Variants in NIPAL2 observed in about 807,000 individuals in gnomAD.
NIPAL2 encodes NIPA-like protein 2.
Under a neutral mutation model 48.9 loss-of-function variants are expected in NIPAL2, and 43 were observed. That is an observed-to-expected ratio of 0.88 (90% CI 0.69 to 1.13). NIPAL2 has a LOEUF of 1.13. Ranked by LOEUF, NIPAL2 falls within the 50% of genes most tolerant of loss-of-function variation. NIPAL2 has a pLI of 0.00. For synonymous variants in NIPAL2, 167 were observed against 174.6 expected, an observed-to-expected ratio of 0.96 and a Z score of 0.34; for missense variants, 446 against 461.4, an observed-to-expected ratio of 0.97 and a Z score of 0.31.
chr8:98,244,154 T>C (rs1813140847), intron 3 of NIPAL2, among the ~76,000 whole-genome samples: 2 of 150,146 alleles, frequency 1.3e-5, no homozygotes, highest in African/African-American at 4.9e-5. Context: ...GGTTGACAGG[T>C]TACAAACTCA....
At chr8:98,242,572 G>A (rs1308577329) in intron 3 of NIPAL2, among the ~76,000 whole-genome samples, 4 of 144,152 alleles carry the variant, frequency 2.8e-5, no homozygotes, top group Admixed American at 1.5e-4. Flanking sequence ...TGCAACTTCC[G>A]CTTCCCAAGT....
chr8:98,274,178 A>G (rs1209679091), intron 1 of NIPAL2, among the ~76,000 whole-genome samples: 1 of 152,016 alleles, frequency 6.6e-6, no homozygotes, highest in African/African-American at 2.4e-5. Context: ...ATCAAGTTTT[A>G]TAAGTTTCCA....
In NIPAL2 at chr8:98,205,240, AAT is replaced by A; in HGVS notation, c.660_661del (p.Leu221AspfsTer19). The stretch of plus-strand genomic sequence containing the variant: ...GACGGCCTTTACTGAAATAACAGTC[AAT>A]GAGGCTGAAAAAGAAAACAAAAAAC... On this transcript the variant is annotated frameshift_variant, in exon 7 of 11. Coordinates refer to ENST00000430223, the MANE Select transcript of NIPAL2 (RefSeq NM_001321635.2). LOFTEE classifies it high-confidence loss of function. 6.2e-7 allele frequency: 1 copy of A among 1,604,636 alleles called. No individual in the cohort carries two copies. The highest frequency in any genetic ancestry group is 2.2e-5 in the East Asian group (1 of 44,832).
chr8:98,209,567 A>G (rs1372780099), intron 6 of NIPAL2, among the ~76,000 whole-genome samples: 2 of 151,916 alleles, frequency 1.3e-5, no homozygotes, highest in East Asian at 3.9e-4. Flanking sequence ...GCAGTGAGCT[A>G]TGATTGTGCC....
At chr8:98,236,851 C>CAAAA (rs34210829) in intron 3 of NIPAL2, among the ~76,000 whole-genome samples, 23 of 66,890 alleles carry the variant, frequency 3.4e-4, no homozygotes, top group Middle Eastern at 0.011. Flanking sequence ...GATCCTGTCT[C>CAAAA]AAAAAAAAAA....
At chr8:98,262,934 G>C (rs956639067) in intron 1 of NIPAL2, among the ~76,000 whole-genome samples, 24 of 150,654 alleles carry the variant, frequency 1.6e-4, no homozygotes, top group African/African-American at 5.8e-4. Context: ...CTATCTCTCA[G>C]ACCACAGTGC....
At chr8:98,243,565 C>A (rs1813111246) in intron 3 of NIPAL2, among the ~76,000 whole-genome samples, 1 of 152,246 alleles carries the variant, frequency 6.6e-6, no homozygotes, top group South Asian at 2.1e-4. Context: ...AAGACCAGCT[C>A]TTATTATGGA....
intron 1 of NIPAL2, among the ~76,000 whole-genome samples, chr8:98,261,318 T>C (rs1332896426): frequency 3.4e-4 from 45 of 131,094 alleles, no homozygotes; most frequent in Admixed American, 6.3e-4. Context: ...CTTCAGACGA[T>C]CAAATTACTC....
intron 5 of NIPAL2, among the ~76,000 whole-genome samples, chr8:98,216,245 A>G (rs2514319): frequency 0.84 from 128,575 of 152,192 alleles, 54,916 homozygotes; most frequent in Non-Finnish European, 0.9. Context: ...CTGGTTTTGA[A>G]TTCTGGCTTT....
chr8:98,224,755 C>CTTT (rs371936351), intron 4 of NIPAL2, among the ~76,000 whole-genome samples: 8,516 of 123,604 alleles, frequency 0.069, 505 homozygotes, highest in Middle Eastern at 0.12. Context: ...TCTTTCTTTT[C>CTTT]TTTTTTTTTT....
intron 4 of NIPAL2, among the ~76,000 whole-genome samples, chr8:98,233,731 G>C (rs779172929): frequency 1.3e-5 from 2 of 152,156 alleles, no homozygotes; most frequent in African/African-American, 2.4e-5. Flanking sequence ...TGTACATATT[G>C]ATATTTTTAT....
At chr8:98,249,154 T>A (rs17884907) in intron 3 of NIPAL2, among the ~76,000 whole-genome samples, 6 of 151,378 alleles carry the variant, frequency 4.0e-5, no homozygotes, top group African/African-American at 7.3e-5. Flanking sequence ...TGCATAGGCC[T>A]GTTTTAGGGC....
At chr8:98,252,359 G>T in intron 3 of NIPAL2, 104 bp downstream of exon 3, 2 of 1,092,336 alleles carry the variant, frequency 1.8e-6, no homozygotes, top group Non-Finnish European at 2.6e-6. Context: ...AAGAAACCAG[G>T]CAATAGACTT....
rs1244215591 is a variant in NIPAL2, at chr8:98,191,131, T to G, written c.*1847A>C. ...TGCTAAAGTACTGGTGTTATGCTTG[T>G]GCCTGTGTGAAATTCTACAGTGCTG... On this transcript the variant is annotated 3_prime_UTR_variant, in exon 11 of 11. Transcript: ENST00000430223. 6.6e-6 allele frequency: 1 copy of G among 152,220 alleles called. No homozygotes were observed. Among genetic ancestry groups the G allele is most frequent in the Admixed American group, 6.5e-5 (1 of 15,278 alleles). 9.4% of individuals were successfully genotyped at this position (152,220 alleles called of 1,614,324 possible).
chr8:98,235,984 A>G (rs1812689679), intron 4 of NIPAL2, among the ~76,000 whole-genome samples, 171 bp downstream of exon 4: 1 of 152,150 alleles, frequency 6.6e-6, no homozygotes, highest in Admixed American at 6.6e-5. Context: ...GAAGTATTTT[A>G]TGCGAGAAGA....
At chr8:98,236,076 G>T in intron 4 of NIPAL2, 79 bp downstream of exon 4, 2 of 1,008,550 alleles carry the variant, frequency 2.0e-6, no homozygotes, top group Non-Finnish European at 3.0e-6. Context: ...AGTTTTTATC[G>T]CACATATTTT....
At chr8:98,279,222 A>G (rs11782558) in intron 1 of NIPAL2, among the ~76,000 whole-genome samples, 13,476 of 152,200 alleles carry the variant, frequency 0.089, 810 homozygotes, top group Middle Eastern at 0.21. Flanking sequence ...ATGCTTTTAA[A>G]AGATGGTGGT....
intron 1 of NIPAL2, among the ~76,000 whole-genome samples, chr8:98,279,110 C>A (rs1815648366): frequency 6.6e-6 from 1 of 151,972 alleles, no homozygotes; most frequent in South Asian, 2.1e-4. Flanking sequence ...AGGTTGATTG[C>A]ATGCTTATTA....
rs1278804932 is a variant in NIPAL2, at chr8:98,193,094, T to C, written c.1040-4A>G. The C allele has an allele frequency of 6.2e-7, 1 of 1,602,100 alleles. No individual in the cohort carries two copies. Among genetic ancestry groups the C allele is most frequent in the East Asian group, 2.2e-5 (1 of 44,828 alleles). ...ATTTTGTCCAACATTTGTTTCCCTG[T>C]GGAGATAATAATCATAGAGAATCTT... On this transcript the variant is annotated splice_region_variant and splice_polypyrimidine_tract_variant and intron_variant, in intron 10 of 10. Coordinates refer to ENST00000430223, the MANE Select transcript of NIPAL2 (RefSeq NM_001321635.2).
Sources: gnomAD v4.1 joint callset for allele counts (sites outside exome capture counted in the v4.1 genomes callset) on GRCh38, gnomAD v4.1.1 for gene constraint, MANE v1.5 for transcripts, NCBI Gene and HGNC (gene_info 2026-07-23, HGNC 2026-07-21) for gene names.